DGKB: variants seen among roughly 807,000 people sequenced by gnomAD.
DGKB encodes diacylglycerol kinase beta.
A neutral mutation model predicts 114.3 loss-of-function variants in DGKB; 67 were observed. The observed-to-expected ratio is 0.59, with a 90% confidence interval of 0.48 to 0.72. DGKB has a LOEUF of 0.72. Among genes scored for constraint, DGKB ranks in the 30% least tolerant of loss-of-function variants. DGKB has a pLI of 0.00. For synonymous variants in DGKB, 398 were observed against 323.1 expected, an observed-to-expected ratio of 1.23 and a Z score of -2.49; for missense variants, 907 against 975.2, an observed-to-expected ratio of 0.93 and a Z score of 0.93.
chr7:14,770,766 C>T (rs949035499), intron 2 of DGKB, among the ~76,000 whole-genome samples: 2 of 152,026 alleles, frequency 1.3e-5, no homozygotes, highest in African/African-American at 2.4e-5. Context: ...CATATTGTGG[C>T]AGGCCAGTTT....
chr7:14,418,504 T>C (rs1826149448), intron 21 of DGKB, among the ~76,000 whole-genome samples: 1 of 151,280 alleles, frequency 6.6e-6, no homozygotes, highest in African/African-American at 2.4e-5. Context: ...TGAACCATAG[T>C]GTCTCCTACA....
At chr7:14,180,758 T>C (rs1407693321) in intron 23 of DGKB, among the ~76,000 whole-genome samples, 1 of 152,222 alleles carries the variant, frequency 6.6e-6, no homozygotes, top group African/African-American at 2.4e-5. Flanking sequence ...ATCAGGGTCC[T>C]GATTGATTTC....
rs564111889 is a variant in DGKB at position 14,226,338 on chromosome 7, C to T, written c.2123-48187G>A. On this transcript the variant is annotated intron_variant, in intron 23 of 25. Transcript: ENST00000402815. ...GATATGAAACACCATCTGGCATGTG[C>T]GTGCTAAGAGGATTATATGTAAGCA... Among the ~76,000 whole-genome samples the T allele has an allele frequency of 3.9e-5, 6 of 151,910 alleles. No homozygotes were observed. In the East Asian group the frequency reaches 5.8e-4, roughly 15 times the overall value.
At chr7:14,714,763 T>C (rs1237599352) in intron 6 of DGKB, among the ~76,000 whole-genome samples, 2 of 152,140 alleles carry the variant, frequency 1.3e-5, no homozygotes, top group Non-Finnish European at 2.9e-5. Context: ...TGCCACTCAG[T>C]ATAGTATAGG....
intron 21 of DGKB, among the ~76,000 whole-genome samples, chr7:14,347,942 C>T (rs1023310640): frequency 1.3e-5 from 2 of 151,920 alleles, no homozygotes; most frequent in African/African-American, 4.8e-5. Flanking sequence ...AATAAATAGA[C>T]ATTATTTTGC....
chr7:14,170,170 AAAG>A (rs1780745428), intron 25 of DGKB, among the ~76,000 whole-genome samples: 1 of 139,912 alleles, frequency 7.1e-6, no homozygotes, highest in Non-Finnish European at 1.5e-5. Context: ...AGAAAGAAAG[AAAG>A]AAAGAAAGAA....
upstream of DGKB, among the ~76,000 whole-genome samples, chr7:14,904,773 C>T (rs192147435): frequency 8.3e-3 from 1,260 of 152,126 alleles, 27 homozygotes; most frequent in African/African-American, 0.029. Flanking sequence ...GTTGTCTGTC[C>T]ATTAAATAAT....
Position 14,724,015 on chromosome 7 carries a change from T to G in DGKB, c.323-5330A>C, listed in dbSNP as rs12669445. On this transcript the variant is annotated intron_variant, in intron 5 of 25. Coordinates refer to ENST00000402815, the MANE Select transcript of DGKB (RefSeq NM_001350709.2). ...TGCCTCTGGTCCAGTTTGTTTCATT[T>G]TCAAACACTTGCATTTCATATAATG... is the stretch of plus-strand genomic sequence containing the variant. 2.1e-3 allele frequency among the ~76,000 whole-genome samples: 326 copies of G among 152,324 alleles called. 8 individuals carry two copies. The East Asian group carries it at 0.056, about 26-fold the overall frequency.
chr7:14,310,649 T>A (rs1805242126), intron 23 of DGKB, among the ~76,000 whole-genome samples: 1 of 152,190 alleles, frequency 6.6e-6, no homozygotes, highest in Admixed American at 6.5e-5. Context: ...ATTCTCAGAC[T>A]TTTAATTGAA....
chr7:14,649,318 A>G (rs1322989271), intron 13 of DGKB, among the ~76,000 whole-genome samples: 1 of 151,862 alleles, frequency 6.6e-6, no homozygotes, highest in Non-Finnish European at 1.5e-5. Flanking sequence ...CCCACAAGCC[A>G]GAAGACAGTG....
chr7:14,635,826 T>C (rs1425933413), intron 13 of DGKB, among the ~76,000 whole-genome samples: 1 of 151,628 alleles, frequency 6.6e-6, no homozygotes, highest in Non-Finnish European at 1.5e-5. Flanking sequence ...AATTAATCTA[T>C]AATATTTCCT....
At chr7:14,303,353 TAAGA>T (rs1284752715) in intron 23 of DGKB, among the ~76,000 whole-genome samples, 2 of 152,148 alleles carry the variant, frequency 1.3e-5, no homozygotes, top group Non-Finnish European at 2.9e-5. Flanking sequence ...AGTTAGTTTT[TAAGA>T]AAGAATGTTT....
intron 23 of DGKB, among the ~76,000 whole-genome samples, chr7:14,303,830 C>T (rs1803969244): frequency 6.6e-6 from 1 of 152,070 alleles, no homozygotes; most frequent in Admixed American, 6.6e-5. Flanking sequence ...GCACTTGCTG[C>T]TGAGTTTTCA....
chr7:14,849,966 G>C (rs926416409), intron 1 of DGKB, among the ~76,000 whole-genome samples: 1 of 152,134 alleles, frequency 6.6e-6, no homozygotes, highest in African/African-American at 2.4e-5. Context: ...CTTATATTTA[G>C]AGATTAGAGG....
At chr7:14,683,962 A>G (rs553815509) in intron 10 of DGKB, among the ~76,000 whole-genome samples, 1 of 152,226 alleles carries the variant, frequency 6.6e-6, no homozygotes, top group Admixed American at 6.5e-5. Flanking sequence ...ATTTTGTTTT[A>G]TGTGTTCTTG....
At chr7:14,193,574 G>C (rs1027220066) in intron 23 of DGKB, among the ~76,000 whole-genome samples, 1 of 152,180 alleles carries the variant, frequency 6.6e-6, no homozygotes, top group Non-Finnish European at 1.5e-5. Context: ...TAAATGTAAA[G>C]TTTGAAACTA....
At chr7:14,397,634 T>C (rs1822447024) in intron 21 of DGKB, among the ~76,000 whole-genome samples, 1 of 152,146 alleles carries the variant, frequency 6.6e-6, no homozygotes, top group South Asian at 2.1e-4. Flanking sequence ...GACCTGCATG[T>C]TCACCACCAG....
chr7:14,165,442 C>T (rs1229598888), intron 25 of DGKB, among the ~76,000 whole-genome samples: 1 of 152,104 alleles, frequency 6.6e-6, no homozygotes, highest in Admixed American at 6.5e-5. Flanking sequence ...AATGCGAATT[C>T]TAGCTATTTT....
chr7:14,648,882 A>G (rs1813772105), intron 13 of DGKB, among the ~76,000 whole-genome samples: 1 of 134,096 alleles, frequency 7.5e-6, no homozygotes, highest in South Asian at 2.4e-4. Flanking sequence ...ATCAACTGGA[A>G]GAAAGGGTAT....
Sources: gnomAD v4.1 joint callset for allele counts (sites outside exome capture counted in the v4.1 genomes callset) on GRCh38, gnomAD v4.1.1 for gene constraint, MANE v1.5 for transcripts, NCBI Gene and HGNC (gene_info 2026-07-23, HGNC 2026-07-21) for gene names.